EFCAB11: variants seen among roughly 807,000 people sequenced by gnomAD.
The protein encoded by EFCAB11 is EF-hand calcium-binding domain-containing protein 11.
EFCAB11 carries 14 observed loss-of-function variants against 23.0 expected under a neutral mutation model. That is an observed-to-expected ratio of 0.61 (90% CI 0.40 to 0.95). The LOEUF is 0.95. Ranked by LOEUF, EFCAB11 falls within the 40% of genes least tolerant of loss-of-function variation. The pLI, the probability that EFCAB11 is intolerant of heterozygous loss-of-function variation, is 0.00. For missense variants in EFCAB11, 198 were observed against 195.8 expected (o/e 1.01, Z -0.07); for synonymous variants, 65 against 66.6 (o/e 0.98, Z 0.11).
In EFCAB11 at chr14:89,801,253, T is replaced by C. The variant is rs72693755; in HGVS notation, c.411-3929A>G. On this transcript the variant is annotated intron_variant, in intron 5 of 5. Transcript: ENST00000316738. ...GTTTCCTATGTACTTCCAAACTGTT[T>C]GTATTACCTGTTCTAACCTCTCCCC... Among the ~76,000 whole-genome samples, 661 of 152,280 alleles carry C rather than the reference T, an allele frequency of 4.3e-3. 3 individuals are homozygous for C. Among genetic ancestry groups the C allele is most frequent in the Non-Finnish European group, 7.4e-3 (505 of 68,014 alleles).
chr14:89,812,008 C>T (rs1037719081), intron 5 of EFCAB11, among the ~76,000 whole-genome samples: 6 of 152,090 alleles, frequency 3.9e-5, no homozygotes, highest in Admixed American at 6.5e-5. Context: ...TTTTACCTTT[C>T]GTGACTTCAG....
chr14:89,941,435 A>C (rs1200700237), intron 3 of EFCAB11, among the ~76,000 whole-genome samples: 1 of 152,154 alleles, frequency 6.6e-6, no homozygotes, highest in Non-Finnish European at 1.5e-5. Flanking sequence ...AAATCAAAGG[A>C]AGGGCTCATC....
chr14:89,941,506 C>T (rs762936025), intron 3 of EFCAB11, among the ~76,000 whole-genome samples: 33 of 151,830 alleles, frequency 2.2e-4, no homozygotes, highest in Non-Finnish European at 3.7e-4. Context: ...TACTAGCTAC[C>T]GGTGCCACTC....
chr14:89,824,091 C>T lies in EFCAB11; in HGVS notation c.411-26767G>A, dbSNP rs1328528819. Among the ~76,000 whole-genome samples the T allele has an allele frequency of 2.6e-5, 4 of 151,990 alleles. No individual in the cohort carries two copies. In the East Asian group the frequency reaches 5.8e-4, roughly 22 times the overall value. On this transcript the variant is annotated intron_variant, in intron 5 of 5. Transcript: ENST00000316738. ...ACAGATCCAAGAAGCTCAATGAACTCTAAGTAAGATAATGAAGAACACTAT... is the reference window on the plus strand; with the variant it reads ...ACAGATCCAAGAAGCTCAATGAACTTTAAGTAAGATAATGAAGAACACTAT...
intron 3 of EFCAB11, among the ~76,000 whole-genome samples, chr14:89,934,809 G>A (rs1320852164): frequency 6.6e-6 from 1 of 152,044 alleles, no homozygotes; most frequent in African/African-American, 2.4e-5. Flanking sequence ...TTAGCTTCAT[G>A]AACACCAAAA....
rs1233818089 is a variant in EFCAB11 at position 89,912,053 on chromosome 14, T to C, written c.410+19488A>G. Reference sequence around the variant, plus strand: ...GCAGCAGGGATTTAGATCCAGAGAATTGTTCTAGAACACGCTTTCTTAGCC... The same window carrying C: ...GCAGCAGGGATTTAGATCCAGAGAACTGTTCTAGAACACGCTTTCTTAGCC... On this transcript the variant is annotated intron_variant, in intron 5 of 5. Transcript: ENST00000316738. Among the ~76,000 whole-genome samples, 5 of 152,358 alleles carry C rather than the reference T, an allele frequency of 3.3e-5. No homozygotes were observed. The East Asian group carries it at 5.8e-4, about 18-fold the overall frequency.
intron 5 of EFCAB11, among the ~76,000 whole-genome samples, chr14:89,858,656 A>ATTTTTTTTT (rs10648464): frequency 5.6e-5 from 5 of 88,990 alleles, no homozygotes; most frequent in African/African-American, 8.8e-5. Context: ...CACCCAGCTA[A>ATTTTTTTTT]TTTTTTTTTT....
At chr14:89,825,046 G>T (rs1228236881) in intron 5 of EFCAB11, among the ~76,000 whole-genome samples, 1 of 148,608 alleles carries the variant, frequency 6.7e-6, no homozygotes, top group African/African-American at 2.5e-5. Context: ...GACACCTACA[G>T]GATATTCATT....
intron 5 of EFCAB11, among the ~76,000 whole-genome samples, chr14:89,808,546 A>C (rs1886049132): frequency 6.6e-6 from 1 of 152,150 alleles, no homozygotes; most frequent in Non-Finnish European, 1.5e-5. Flanking sequence ...TTTCTCATTG[A>C]TGCGATGTGC....
At chr14:89,893,789 A>C (rs1023707104) in intron 5 of EFCAB11, among the ~76,000 whole-genome samples, 17 of 151,328 alleles carry the variant, frequency 1.1e-4, no homozygotes, top group South Asian at 4.2e-4. Flanking sequence ...AAAAAAAAAA[A>C]CAAACAAACA....
intron 5 of EFCAB11, among the ~76,000 whole-genome samples, chr14:89,918,719 C>T (rs769676548): frequency 6.6e-6 from 1 of 151,858 alleles, no homozygotes; most frequent in African/African-American, 2.4e-5. Flanking sequence ...TACATCCTTA[C>T]AGAGAGAGCA....
At chr14:89,935,408 T>C (rs1005435375) in intron 3 of EFCAB11, among the ~76,000 whole-genome samples, 4 of 151,356 alleles carry the variant, frequency 2.6e-5, no homozygotes, top group African/African-American at 7.3e-5. Context: ...TTTTTTTTTT[T>C]TTTTTTTCCT....
chr14:89,848,835 G>A (rs1156452668), intron 5 of EFCAB11: 1 of 152,232 alleles, frequency 6.6e-6, no homozygotes, highest in Non-Finnish European at 1.5e-5. Flanking sequence ...GCTGATGCAG[G>A]AGGATCACTT....
At chr14:89,799,264 A>T (rs778708823) in intron 5 of EFCAB11, 4 of 152,186 alleles carry the variant, frequency 2.6e-5, no homozygotes, top group Non-Finnish European at 5.9e-5. Flanking sequence ...TCATATTTCA[A>T]ATGAGACATG....
intron 1 of EFCAB11, 128 bp downstream of exon 1, chr14:89,954,458 C>T (rs1891355944): frequency 3.3e-6 from 5 of 1,538,296 alleles, no homozygotes; most frequent in African/African-American, 2.7e-5. Context: ...TCATTAACCA[C>T]GACCCTTTGG....
At chr14:89,800,222 AACGC>A in intron 5 of EFCAB11, among the ~76,000 whole-genome samples, 1 of 142,240 alleles carries the variant, frequency 7.0e-6, no homozygotes, top group African/African-American at 2.6e-5. Flanking sequence ...CAAACAAACA[AACGC>A]ACGCCTGAGA....
chr14:89,843,335 A>AT (rs1887330477), intron 5 of EFCAB11, among the ~76,000 whole-genome samples: 1 of 147,016 alleles, frequency 6.8e-6, no homozygotes, highest in Non-Finnish European at 1.5e-5. Flanking sequence ...ACATAAACAT[A>AT]TTTTTAAGAA....
intron 5 of EFCAB11, among the ~76,000 whole-genome samples, chr14:89,925,648 C>CTTTTTTTTTT (rs397758240): frequency 4.5e-5 from 6 of 134,684 alleles, no homozygotes; most frequent in South Asian, 2.4e-4. Context: ...ATGTTTCTTT[C>CTTTTTTTTTT]TTTTTTTTTT....
chr14:89,813,775 T>C, intron 5 of EFCAB11, among the ~76,000 whole-genome samples: 1 of 152,212 alleles, frequency 6.6e-6, no homozygotes, highest in East Asian at 1.9e-4. Flanking sequence ...AAAATCATTT[T>C]GTGAGTGATG....
Sources: allele counts gnomAD v4.1 joint callset (sites outside exome capture counted in the v4.1 genomes callset), GRCh38; gene constraint gnomAD v4.1.1; transcripts MANE v1.5; gene names NCBI Gene and HGNC (gene_info 2026-07-23, HGNC 2026-07-21).